DAB1: variants seen among roughly 807,000 people sequenced by gnomAD.
The protein encoded by DAB1 is DAB adaptor protein 1.
In DAB1, 15 loss-of-function variants were observed where a neutral mutation model predicts 64.6. The ratio of observed to expected loss-of-function variants is 0.23; its 90% CI spans 0.16 to 0.36. The LOEUF (loss-of-function observed/expected upper bound fraction) is 0.36. Ranked by LOEUF, DAB1 falls within the 10% of genes least tolerant of loss-of-function variation. The pLI is 1.00. For missense variants in DAB1, 596 were observed against 706.7 expected (o/e 0.84, Z 1.78); for synonymous variants, 235 against 251.9 (o/e 0.93, Z 0.64).
At chr1:57,814,605 T>C (rs1197336347) in intron 6 of DAB1, among the ~76,000 whole-genome samples, 2 of 152,188 alleles carry the variant, frequency 1.3e-5, no homozygotes, top group African/African-American at 4.8e-5. Context: ...GACTATTCCA[T>C]ACTGAGGGCC....
chr1:57,994,937 G>A (rs1646402134), intron 5 of DAB1, among the ~76,000 whole-genome samples: 1 of 152,110 alleles, frequency 6.6e-6, no homozygotes, highest in South Asian at 2.1e-4. Flanking sequence ...AGAAGGATGA[G>A]ACCATTGGCA....
intron 1 of DAB1, among the ~76,000 whole-genome samples, chr1:57,327,585 G>GA (rs1355321583): frequency 6.6e-6 from 1 of 151,922 alleles, no homozygotes; most frequent in African/African-American, 2.4e-5. Context: ...TAGATGTCAG[G>GA]AAAAAAAGAG....
intron 2 of DAB1, among the ~76,000 whole-genome samples, chr1:57,247,579 A>G (rs948693084): frequency 6.6e-6 from 1 of 152,178 alleles, no homozygotes; most frequent in Non-Finnish European, 1.5e-5. Flanking sequence ...TGTGAACTTC[A>G]CTTAACTGAT....
At chr1:58,216,391 G>A (rs1658856555) in intron 4 of DAB1, among the ~76,000 whole-genome samples, 1 of 152,146 alleles carries the variant, frequency 6.6e-6, no homozygotes, top group South Asian at 2.1e-4. Flanking sequence ...AGTATTCCAT[G>A]GTGAATATGT....
chr1:57,604,038 G>A (rs1434243223), intron 7 of DAB1, among the ~76,000 whole-genome samples: 1 of 152,194 alleles, frequency 6.6e-6, no homozygotes, highest in East Asian at 1.9e-4. Flanking sequence ...CTGGGGAGCT[G>A]GGGGCCTCCA....
At chr1:58,105,384 A>G (rs962135008) in intron 5 of DAB1, among the ~76,000 whole-genome samples, 4 of 152,228 alleles carry the variant, frequency 2.6e-5, no homozygotes, top group Non-Finnish European at 5.9e-5. Context: ...AAGGGCTGCC[A>G]TTGCTTTAGG....
chr1:57,891,541 A>C (rs1260260281), intron 5 of DAB1, among the ~76,000 whole-genome samples: 1 of 152,206 alleles, frequency 6.6e-6, no homozygotes, highest in African/African-American at 2.4e-5. Context: ...TCATGCTACT[A>C]TAAAGACACA....
chr1:57,717,020 C>A (rs1384386668), intron 6 of DAB1, among the ~76,000 whole-genome samples: 1 of 151,992 alleles, frequency 6.6e-6, no homozygotes, highest in African/African-American at 2.4e-5. Context: ...GTGGGTGGAT[C>A]ACGAGGTCAG....
chr1:57,862,823 G>A (rs573429486), intron 1 of DAB1: 22 of 152,248 alleles, frequency 1.4e-4, no homozygotes, highest in African/African-American at 5.3e-4. Context: ...CTCTCACACT[G>A]CTGGAAGGAA....
intron 2 of DAB1, among the ~76,000 whole-genome samples, chr1:57,233,862 G>A (rs1667890765): frequency 6.6e-6 from 1 of 152,112 alleles, no homozygotes; most frequent in Admixed American, 6.5e-5. Flanking sequence ...GAGGTGAGTG[G>A]GGAGGTAGGG....
chr1:57,935,755 G>T (rs952552026), intron 5 of DAB1, among the ~76,000 whole-genome samples: 3 of 151,874 alleles, frequency 2.0e-5, no homozygotes, highest in Non-Finnish European at 4.4e-5. Flanking sequence ...AACAAAAAAC[G>T]AGTGCATAAA....
At chr1:58,358,241 G>A (rs770997910) in intron 3 of DAB1, among the ~76,000 whole-genome samples, 2 of 152,188 alleles carry the variant, frequency 1.3e-5, no homozygotes, top group African/African-American at 4.8e-5. Flanking sequence ...GAGAACAGTC[G>A]GGGAGTTAGA....
At chr1:58,250,364 G>T (rs1448758907) in intron 4 of DAB1, among the ~76,000 whole-genome samples, 3 of 152,248 alleles carry the variant, frequency 2.0e-5, no homozygotes, top group Non-Finnish European at 4.4e-5. Context: ...GCCAGGGCGC[G>T]CGGGAGACGC....
intron 6 of DAB1, among the ~76,000 whole-genome samples, chr1:57,809,070 T>C (rs1651499384): frequency 6.6e-6 from 1 of 152,210 alleles, no homozygotes; most frequent in South Asian, 2.1e-4. Flanking sequence ...ATATATTTAA[T>C]AAATGCAATT....
At chr1:57,241,690 C>T (rs1285423079) in intron 2 of DAB1, among the ~76,000 whole-genome samples, 1 of 152,148 alleles carries the variant, frequency 6.6e-6, no homozygotes, top group Non-Finnish European at 1.5e-5. Context: ...GAGTCTAGCC[C>T]TTCTGAGTCT....
chr1:57,370,865 A>C (rs1266078965), intron 1 of DAB1, among the ~76,000 whole-genome samples: 1 of 152,198 alleles, frequency 6.6e-6, no homozygotes, highest in Non-Finnish European at 1.5e-5. Context: ...CTGGAAAATA[A>C]ATTTAAATCT....
chr1:57,577,871 G>A (rs1308583045), intron 7 of DAB1, among the ~76,000 whole-genome samples: 1 of 152,206 alleles, frequency 6.6e-6, no homozygotes, highest in African/African-American at 2.4e-5. Flanking sequence ...CCTTCCCTAA[G>A]TTCTTTCTAG....
chr1:58,349,670 C>T (rs1419333182), intron 3 of DAB1, among the ~76,000 whole-genome samples: 1 of 151,980 alleles, frequency 6.6e-6, no homozygotes, highest in East Asian at 1.9e-4. Flanking sequence ...CATGTGTTCT[C>T]ATTGCTCAAC....
intron 3 of DAB1, among the ~76,000 whole-genome samples, chr1:58,417,323 G>C (rs998625022): frequency 1.3e-5 from 2 of 152,352 alleles, no homozygotes; most frequent in East Asian, 3.9e-4. Flanking sequence ...AACCAGGGGC[G>C]GGATCTTGGG....
Sources: allele counts gnomAD v4.1 joint callset (sites outside exome capture counted in the v4.1 genomes callset), GRCh38; gene constraint gnomAD v4.1.1; transcripts MANE v1.5; gene names NCBI Gene and HGNC (gene_info 2026-07-23, HGNC 2026-07-21).